The following GALNT1 variants were observed in gnomAD, a reference collection of about 807,000 sequenced individuals.
GALNT1 encodes polypeptide N-acetylgalactosaminyltransferase 1.
In GALNT1, 17 loss-of-function variants were observed where a neutral mutation model predicts 65.7. The observed-to-expected ratio is 0.26, with a 90% CI of 0.18 to 0.39. The LOEUF is 0.39. GALNT1 is among the 10% of genes least tolerant of loss of function. GALNT1 has a pLI of 1.00. For missense variants in GALNT1, 460 were observed against 672.8 expected (o/e 0.68, Z 3.50); for synonymous variants, 210 against 219.7 (o/e 0.96, Z 0.39).
intron 3 of GALNT1, among the ~76,000 whole-genome samples, chr18:35,668,796 A>G (rs2047585492): frequency 6.6e-6 from 1 of 152,234 alleles, no homozygotes. Flanking sequence ...CAATGACGTA[A>G]AGATAAGATT....
intron 1 of GALNT1, among the ~76,000 whole-genome samples, chr18:35,644,533 T>C (rs972795238): frequency 6.6e-6 from 1 of 152,190 alleles, no homozygotes; most frequent in Admixed American, 6.5e-5. Flanking sequence ...TTTCTACATA[T>C]TCACTTTTAT....
rs1034625248 is a variant in GALNT1 at position 35,678,268 on chromosome 18, A to G, written c.481+511A>G. Among the ~76,000 whole-genome samples the G allele has an allele frequency of 3.9e-5, 6 of 152,186 alleles. No individual in the cohort carries two copies. The East Asian group carries it at 7.7e-4, about 20-fold the overall frequency. ...TAAGTTTCAGGAATGATCTATAGCT[A>G]GGTGCATAAAAGGATTAGGAAGGAT... On this transcript the variant is annotated intron_variant, in intron 4 of 11. Coordinates refer to ENST00000269195, the MANE Select transcript of GALNT1 (RefSeq NM_020474.4).
intron 7 of GALNT1, among the ~76,000 whole-genome samples, chr18:35,690,469 A>G (rs2047943373): frequency 1.3e-5 from 2 of 152,208 alleles, no homozygotes; most frequent in Non-Finnish European, 2.9e-5. Context: ...ATAAAATTTA[A>G]ACATTTTATG....
intron 1 of GALNT1, among the ~76,000 whole-genome samples, chr18:35,648,055 G>A (rs2047255427): frequency 6.9e-6 from 1 of 145,244 alleles, no homozygotes; most frequent in Admixed American, 6.8e-5. Context: ...AAGAAGGAAG[G>A]GAGGAAGTGA....
At chr18:35,682,466 C>G (rs1047529652) in intron 4 of GALNT1, among the ~76,000 whole-genome samples, 6 of 152,112 alleles carry the variant, frequency 3.9e-5, no homozygotes, top group Non-Finnish European at 8.8e-5. Flanking sequence ...GAGAGATTAT[C>G]CTCATACTTA....
At chr18:35,701,955 A>G (rs11876898) in intron 9 of GALNT1, among the ~76,000 whole-genome samples, 60 of 152,308 alleles carry the variant, frequency 3.9e-4, no homozygotes, top group African/African-American at 1.4e-3. Flanking sequence ...ATTGTCTTAC[A>G]TAGCATCAGC....
intron 1 of GALNT1, among the ~76,000 whole-genome samples, chr18:35,633,902 A>G (rs2047055392): frequency 6.6e-6 from 1 of 152,196 alleles, no homozygotes; most frequent in Non-Finnish European, 1.5e-5. Flanking sequence ...TACTTGTTAT[A>G]TAGGATTTAA....
chr18:35,640,043 C>T (rs2047141236), intron 1 of GALNT1, among the ~76,000 whole-genome samples: 1 of 152,170 alleles, frequency 6.6e-6, no homozygotes. Context: ...GGTGATCCCC[C>T]CACCTTGGCC....
intron 2 of GALNT1, among the ~76,000 whole-genome samples, chr18:35,661,711 C>T (rs1350462938): frequency 6.6e-6 from 1 of 152,010 alleles, no homozygotes; most frequent in African/African-American, 2.4e-5. Context: ...TGGTGCATGC[C>T]ATGTCCCTTT....
chr18:35,678,363 T>C (rs2047740937), intron 4 of GALNT1, among the ~76,000 whole-genome samples: 1 of 151,932 alleles, frequency 6.6e-6, no homozygotes. Context: ...CTTCTAGGAG[T>C]CTCAGAATTT....
intron 1 of GALNT1, among the ~76,000 whole-genome samples, chr18:35,637,632 G>A (rs1207548031): frequency 3.3e-5 from 5 of 152,232 alleles, no homozygotes; most frequent in Non-Finnish European, 7.3e-5. Context: ...AAGTGTTGTT[G>A]TAGAAGCTGC....
intron 3 of GALNT1, among the ~76,000 whole-genome samples, chr18:35,673,207 T>C (rs1000546948): frequency 1.3e-5 from 2 of 152,186 alleles, no homozygotes; most frequent in African/African-American, 2.4e-5. Flanking sequence ...AGAAAAAGAA[T>C]ACATTGAAAA....
At chr18:35,589,960 C>T (rs1413662519) in intron 1 of GALNT1, among the ~76,000 whole-genome samples, 1 of 152,228 alleles carries the variant, frequency 6.6e-6, no homozygotes, top group Non-Finnish European at 1.5e-5. Flanking sequence ...CACCCTCTCT[C>T]CTTACTCCTC....
intron 3 of GALNT1, among the ~76,000 whole-genome samples, chr18:35,670,693 A>G (rs549279353): frequency 7.5e-4 from 115 of 152,352 alleles, no homozygotes; most frequent in African/African-American, 2.5e-3. Flanking sequence ...AGACATTCTT[A>G]TAGAATTATT....
At chr18:35,677,917 C>T (rs1009134704) in intron 4 of GALNT1, among the ~76,000 whole-genome samples, 160 bp downstream of exon 4, 1 of 152,104 alleles carries the variant, frequency 6.6e-6, no homozygotes, top group Non-Finnish European at 1.5e-5. Context: ...AAAGTACACC[C>T]TTGTGAAACT....
chr18:35,654,648 T>C lies in GALNT1; in HGVS notation c.-15T>C. The C allele has an allele frequency of 7.4e-7, 1 of 1,347,540 alleles. No homozygotes were observed. Among genetic ancestry groups the C allele is most frequent in the Non-Finnish European group, 9.6e-7 (1 of 1,043,218 alleles). The allele number at this position is 1,347,540 out of a possible 1,614,324, so 83.5% of individuals were successfully genotyped here. ...ATATATATATTTTTAAATTTTGCAT[T>C]TGACTTAAAGTGCCATGAGAAAATT... On this transcript the variant is annotated 5_prime_UTR_variant, in exon 2 of 12. Transcript: ENST00000269195.
chr18:35,666,544 T>G (rs1432955183), intron 3 of GALNT1, among the ~76,000 whole-genome samples: 1 of 152,194 alleles, frequency 6.6e-6, no homozygotes, highest in Non-Finnish European at 1.5e-5. Context: ...TAGAATTGTT[T>G]TTGTCATTTT....
intron 11 of GALNT1, among the ~76,000 whole-genome samples, chr18:35,705,593 G>T (rs2144760557): frequency 6.6e-6 from 1 of 152,300 alleles, no homozygotes; most frequent in East Asian, 1.9e-4. Context: ...GCATTGCAGG[G>T]TATGTAGCAT....
chr18:35,581,982 G>A (rs1027154636), intron 1 of GALNT1, 120 bp downstream of exon 1: 2 of 151,864 alleles, frequency 1.3e-5, no homozygotes, highest in Non-Finnish European at 2.9e-5. Flanking sequence ...GGCGCTGCCT[G>A]GGGCCGGGGC....
Sources: allele counts gnomAD v4.1 joint callset (sites outside exome capture counted in the v4.1 genomes callset), GRCh38; gene constraint gnomAD v4.1.1; transcripts MANE v1.5; gene names NCBI Gene and HGNC (gene_info 2026-07-23, HGNC 2026-07-21).